Variants in BRCA2 observed in about 807,000 individuals in gnomAD.
The protein encoded by BRCA2 is breast cancer type 2 susceptibility protein.
BRCA2 carries 203 observed loss-of-function variants against 276.7 expected under a neutral mutation model. The observed-to-expected ratio is 0.73, with a 90% CI of 0.65 to 0.82. The LOEUF is 0.82. Among genes scored for constraint, BRCA2 ranks in the 40% least tolerant of loss-of-function variants. The pLI, the probability that BRCA2 is intolerant of heterozygous loss-of-function variation, is 0.00. For missense variants in BRCA2, 3,920 were observed against 3,915.0 expected, an observed-to-expected ratio of 1.00 and a Z score of -0.03; for synonymous variants, 1,289 against 1,338.4, an observed-to-expected ratio of 0.96 and a Z score of 0.81.
chr13:32,315,487 G>T (rs1036870835), upstream of BRCA2: 6 of 152,270 alleles, frequency 3.9e-5, no homozygotes, highest in Admixed American at 2.0e-4. Flanking sequence ...CTTGTGGCGC[G>T]AGCTTCTGAA....
chr13:32,344,539 A>C lies in BRCA2; in HGVS notation c.6842-19A>C, dbSNP rs81002865. The C allele has an allele frequency of 6.9e-7, 1 of 1,446,674 alleles. No individual in the cohort carries two copies. Among genetic ancestry groups the C allele is most frequent in the Non-Finnish European group, 9.7e-7 (1 of 1,034,862 alleles). 89.6% of individuals were successfully genotyped at this position (1,446,674 alleles called of 1,614,324 possible). A position where few individuals can be genotyped will look rare whatever the true frequency, so the allele number is the denominator to read the frequency against. ...GATATTATTTGCCTTAAAAACATAT[A>C]TGAAATATTTCTTTTTAGGAGAACC... On this transcript the variant is annotated intron_variant, in intron 11 of 26. Transcript: ENST00000380152.
intron 21 of BRCA2, among the ~76,000 whole-genome samples, chr13:32,377,708 A>G (rs1045120102): frequency 2.6e-5 from 4 of 152,154 alleles, no homozygotes; most frequent in African/African-American, 9.7e-5. Context: ...ATAATTTTAT[A>G]TATTAAACTA....
At position 32,340,550 on chromosome 13, in the gene BRCA2, A is replaced by G. The variant is rs876658875; in HGVS notation, c.6195A>G (p.Gln2065=). 10 of 1,612,938 alleles carry G rather than the reference A, an allele frequency of 6.2e-6. No homozygotes were observed. Among genetic ancestry groups the G allele is most frequent in the Non-Finnish European group, 8.5e-6 (10 of 1,179,404 alleles). Residue 2065 remains glutamine (Q), a synonymous_variant, in exon 11 of 27, where the codon CAA becomes CAG. Coordinates refer to ENST00000380152, the MANE Select transcript of BRCA2 (RefSeq NM_000059.4). ...GATTTAGTACAGCAAGTGGAAAGCA[A>G]GTTTCCATTTTAGAAAGTTCCTTAC... The part of the protein sequence containing the change: ...FSGFSTASGK[Q]VSILESSLHK...
Position 32,338,086 on chromosome 13 carries a change from T to C in BRCA2, c.3731T>C (p.Ile1244Thr), listed in dbSNP as rs730881526. The C allele has an allele frequency of 1.2e-5, 19 of 1,610,652 alleles. No homozygotes were observed. The highest frequency in any genetic ancestry group is 1.7e-5 in the Admixed American group (1 of 59,364). ...AAAGCTGTGAAACTGTTTAGTGATA[T>C]TGAGAATATTAGTGAGGAAACTTCT... ...LQKAVKLFSD[I>T]ENISEETSAE... The change falls in exon 11 of 27, where the codon ATT (isoleucine) becomes ACT (threonine). Residue 1244 changes from isoleucine to threonine, a missense_variant. Around this residue, in one of 2 missense-constraint regions of BRCA2, gnomAD observed 3,263 missense variants for 3,156.9 expected, o/e 1.03. Coordinates refer to ENST00000380152, the MANE Select transcript of BRCA2 (RefSeq NM_000059.4).
Position 32,340,352 on chromosome 13 carries a change from G to A in BRCA2, c.5997G>A (p.Val1999=), listed in dbSNP as rs1360825907. The change falls in exon 11 of 27, where the codon GTG becomes GTA. Residue 1999 remains valine (V), a synonymous_variant. Coordinates refer to ENST00000380152, the MANE Select transcript of BRCA2 (RefSeq NM_000059.4). ...SDASLQNARQ[V]FSEIEDSTKQ... is the part of the protein sequence containing the mutation. ...CTTCATTACAAAACGCAAGACAAGTGTTTTCTGAAATAGAAGATAGTACCA... is the reference window on the plus strand; with the variant it reads ...CTTCATTACAAAACGCAAGACAAGTATTTTCTGAAATAGAAGATAGTACCA... 1.2e-6 allele frequency: 2 copies of A among 1,613,944 alleles called. No individual in the cohort carries two copies. The highest frequency in any genetic ancestry group is 1.1e-5 in the South Asian group (1 of 91,084).
chr13:32,376,934 G>T, intron 21 of BRCA2, 143 bp downstream of exon 21: 2 of 1,228,808 alleles, frequency 1.6e-6, no homozygotes, highest in Non-Finnish European at 2.3e-6. Context: ...GGGATTTTCA[G>T]TGATGTGCCA....
intron 20 of BRCA2, 80 bp from the exon 21 acceptor site, chr13:32,376,590 G>A (rs2137611912): frequency 2.1e-6 from 3 of 1,461,198 alleles, no homozygotes; most frequent in Non-Finnish European, 2.9e-6. Context: ...CCTTCTTTGG[G>A]TGTTTTATGC....
chr13:32,377,091 T>C (rs1046303464), intron 21 of BRCA2, among the ~76,000 whole-genome samples: 5 of 152,232 alleles, frequency 3.3e-5, no homozygotes, highest in African/African-American at 4.8e-5. Context: ...AAAAAAACTT[T>C]TTTATTTTTA....
At chr13:32,365,063 T>C (rs1369607581) in intron 18 of BRCA2, among the ~76,000 whole-genome samples, 1 of 151,230 alleles carries the variant, frequency 6.6e-6, no homozygotes, top group Non-Finnish European at 1.5e-5. Context: ...TTTTAAGACA[T>C]TTCATTTATC....
chr13:32,389,689 G>A (rs1238721126), intron 24 of BRCA2, among the ~76,000 whole-genome samples: 3 of 152,104 alleles, frequency 2.0e-5, no homozygotes, highest in Admixed American at 2.0e-4. Flanking sequence ...AACTAACAAC[G>A]GGTTTATTGT....
rs777390929 is a variant in BRCA2, at chr13:32,380,069, T to C, written c.9180T>C (p.Phe3060=). ...QPREPLHFSK[F]LDPDFQPSCS... ...GGGAGCCCCTTCACTTCAGCAAATT[T>C]TTAGATCCAGACTTTCAGCCATCTT... The change falls in exon 24 of 27, where the codon TTT becomes TTC. Residue 3060 remains phenylalanine (F), a synonymous_variant. Transcript: ENST00000380152. The C allele has an allele frequency of 6.2e-7, 1 of 1,614,150 alleles. No individual in the cohort carries two copies. The highest frequency in any genetic ancestry group is 1.1e-5 in the South Asian group (1 of 91,086).
At chr13:32,382,447 G>C (rs751807818) in intron 24 of BRCA2, among the ~76,000 whole-genome samples, 13 of 152,204 alleles carry the variant, frequency 8.5e-5, no homozygotes, top group Non-Finnish European at 1.9e-4. Context: ...ACTGGAGTGA[G>C]GTATGCTGAA....
intron 18 of BRCA2, among the ~76,000 whole-genome samples, chr13:32,369,446 C>G (rs899878821): frequency 6.6e-6 from 1 of 152,144 alleles, no homozygotes; most frequent in African/African-American, 2.4e-5. Context: ...TATTTTGTTT[C>G]ATGTTAACTC....
chr13:32,368,880 G>A (rs550101098), intron 18 of BRCA2, among the ~76,000 whole-genome samples: 5 of 149,608 alleles, frequency 3.3e-5, no homozygotes, highest in African/African-American at 9.8e-5. Flanking sequence ...GTGCGATCTC[G>A]GCTCACTGCA....
Position 32,340,350 on chromosome 13 carries a change from G to A in BRCA2, c.5995G>A (p.Val1999Met), listed in dbSNP as rs2137523070. 1 of 1,613,984 alleles carries A rather than the reference G, an allele frequency of 6.2e-7. No homozygotes were observed. Among genetic ancestry groups the A allele is most frequent in the Non-Finnish European group, 8.5e-7 (1 of 1,179,926 alleles). ...TGCTTCATTACAAAACGCAAGACAA[G>A]TGTTTTCTGAAATAGAAGATAGTAC... ...SDASLQNARQ[V>M]FSEIEDSTKQ... Residue 1999 changes from valine (V) to methionine (M), a missense_variant, in exon 11 of 27, where the codon GTG becomes ATG. Transcript: ENST00000380152.
Position 32,338,166 on chromosome 13 carries a change from T to C in BRCA2, c.3811T>C (p.Ser1271Pro), listed in dbSNP as rs1157751493. ...AAGTAAATGTCATGATTCTGTTGTT[T>C]CAATGTTTAAGATAGAAAATCATAA... ...SSSKCHDSVV[S>P]MFKIENHNDK... Residue 1271 changes from serine (S) to proline (P), a missense_variant, in exon 11 of 27, where the codon TCA becomes CCA. Physicochemically the swap from Ser to Pro is moderately conservative, Grantham distance 74 (BLOSUM62 -1). This residue lies in a region of BRCA2 where 3,263 missense variants were observed against 3,156.9 expected (regional missense o/e 1.03). Transcript: ENST00000380152. The C allele has an allele frequency of 6.3e-7, 1 of 1,587,870 alleles. No individual in the cohort carries two copies. Among genetic ancestry groups the C allele is most frequent in the Non-Finnish European group, 8.6e-7 (1 of 1,166,926 alleles).
intron 20 of BRCA2, among the ~76,000 whole-genome samples, chr13:32,376,140 C>T (rs1244020159): frequency 2.0e-5 from 3 of 151,768 alleles, no homozygotes; most frequent in African/African-American, 7.3e-5. Flanking sequence ...ACAAATATAC[C>T]TATGTTAACT....
chr13:32,344,694 G>C (rs2137537661), intron 12 of BRCA2, 41 bp downstream of exon 12: 1 of 1,361,624 alleles, frequency 7.3e-7, no homozygotes, highest in Non-Finnish European at 1.0e-6. Flanking sequence ...TCCCTCTATA[G>C]GTATGGTATA....
intron 3 of BRCA2, among the ~76,000 whole-genome samples, chr13:32,322,359 T>C (rs2137441042): frequency 6.6e-6 from 1 of 152,160 alleles, no homozygotes; most frequent in South Asian, 2.1e-4. Context: ...AATATAGCGG[T>C]GTGGAGTGGG....
Sources: allele counts gnomAD v4.1 joint callset (sites outside exome capture counted in the v4.1 genomes callset), GRCh38; gene constraint gnomAD v4.1.1; regional missense constraint gnomAD v4.1.1; transcripts MANE v1.5; gene names NCBI Gene and HGNC (gene_info 2026-07-23, HGNC 2026-07-21).